Variants in RORA observed in about 807,000 individuals in gnomAD.
RORA encodes nuclear receptor ROR-alpha.
RORA carries 7 observed loss-of-function variants against 69.5 expected under a neutral mutation model. The observed-to-expected ratio is 0.10, with a 90% CI of 0.06 to 0.19. RORA has a LOEUF of 0.19. Among genes scored for constraint, RORA ranks in the 10% least tolerant of loss-of-function variants. The probability of loss-of-function intolerance (pLI) is 1.00; values close to 1 mark genes in which losing one functional copy is unlikely to be tolerated. For missense variants in RORA, 457 were observed against 663.0 expected (o/e 0.69, Z 3.41); for synonymous variants, 261 against 240.8 (o/e 1.08, Z -0.78).
intron 1 of RORA, among the ~76,000 whole-genome samples, chr15:60,974,361 T>A (rs1893815362): frequency 1.3e-5 from 2 of 152,208 alleles, no homozygotes; most frequent in South Asian, 4.1e-4. Context: ...CCAGCTCATT[T>A]CAGTTCAGTT....
chr15:60,762,816 T>G (rs1595694664), intron 1 of RORA, among the ~76,000 whole-genome samples: 1 of 152,172 alleles, frequency 6.6e-6, no homozygotes, highest in South Asian at 2.1e-4. Flanking sequence ...CTGTTAGACA[T>G]GGTCTAATGG....
At chr15:61,221,410 T>A (rs1026070195) in intron 1 of RORA, among the ~76,000 whole-genome samples, 5 of 152,196 alleles carry the variant, frequency 3.3e-5, no homozygotes, top group Non-Finnish European at 5.9e-5. Context: ...TCTTGCCTGT[T>A]TATTCTTGGT....
chr15:60,750,600 A>G (rs967295879), intron 1 of RORA, among the ~76,000 whole-genome samples: 1 of 152,158 alleles, frequency 6.6e-6, no homozygotes, highest in African/African-American at 2.4e-5. Flanking sequence ...TAGGCTCTCT[A>G]TGTATATAAT....
intron 1 of RORA, among the ~76,000 whole-genome samples, chr15:60,833,818 T>G (rs995300765): frequency 6.6e-6 from 1 of 152,202 alleles, no homozygotes; most frequent in South Asian, 2.1e-4. Context: ...AGTTAGAAGA[T>G]CTGGACTGAA....
At chr15:61,025,643 A>C (rs1895771894) in intron 1 of RORA, among the ~76,000 whole-genome samples, 1 of 152,216 alleles carries the variant, frequency 6.6e-6, no homozygotes, top group African/African-American at 2.4e-5. Flanking sequence ...ATTTTAATAC[A>C]AAAGAGCCAC....
At chr15:60,632,543 G>A (rs1437752720) in intron 2 of RORA, among the ~76,000 whole-genome samples, 1 of 152,070 alleles carries the variant, frequency 6.6e-6, no homozygotes, top group Admixed American at 6.6e-5. Context: ...TAATGATAGG[G>A]CATACTTTTA....
intron 1 of RORA, among the ~76,000 whole-genome samples, chr15:60,994,907 T>G (rs1894486506): frequency 6.6e-6 from 1 of 151,978 alleles, no homozygotes. Context: ...ATTGGGGCAT[T>G]GGGGTGTCAA....
At chr15:60,818,558 A>G (rs2072847824) in intron 1 of RORA, among the ~76,000 whole-genome samples, 1 of 152,164 alleles carries the variant, frequency 6.6e-6, no homozygotes, top group Non-Finnish European at 1.5e-5. Flanking sequence ...ACCAGGATGA[A>G]GTGTTCTTCC....
At chr15:60,717,569 T>G (rs898464590) in intron 1 of RORA, among the ~76,000 whole-genome samples, 1 of 152,214 alleles carries the variant, frequency 6.6e-6, no homozygotes, top group African/African-American at 2.4e-5. Flanking sequence ...AAAACCTTTA[T>G]CATGTTTTTT....
chr15:60,502,945 A>G, intron 7 of RORA, 78 bp from the exon 8 acceptor site: 4 of 927,974 alleles, frequency 4.3e-6, no homozygotes, highest in Non-Finnish European at 7.2e-6. Flanking sequence ...GCTCATGTAG[A>G]GACTCCTTCT....
intron 1 of RORA, among the ~76,000 whole-genome samples, chr15:61,116,116 T>C (rs2079048550): frequency 6.6e-6 from 1 of 152,096 alleles, no homozygotes; most frequent in South Asian, 2.1e-4. Context: ...TGACGCAGGA[T>C]GAACCATTTT....
At chr15:60,830,738 G>A (rs2073031572) in intron 1 of RORA, among the ~76,000 whole-genome samples, 1 of 152,176 alleles carries the variant, frequency 6.6e-6, no homozygotes, top group Non-Finnish European at 1.5e-5. Context: ...GCTTTGGAAT[G>A]TTTATTCTCT....
rs775820502 is a variant in RORA at position 60,804,220 on chromosome 15, G to A, written c.167-125534C>T. On this transcript the variant is annotated intron_variant, in intron 1 of 10. Transcript: ENST00000335670. Reference sequence around the variant, plus strand: ...GGAGAATTGCTTGAACCCGGGAGGCGGAGGTTGCAGTTAGCCGAGATCACA... The same window carrying A: ...GGAGAATTGCTTGAACCCGGGAGGCAGAGGTTGCAGTTAGCCGAGATCACA... Among the ~76,000 whole-genome samples, 19 of 147,074 alleles carry A rather than the reference G, an allele frequency of 1.3e-4. 1 individual carries two copies. The highest frequency in any genetic ancestry group is 1.2e-3 in the East Asian group (6 of 4,996).
At chr15:60,659,378 T>C (rs980942232) in intron 2 of RORA, among the ~76,000 whole-genome samples, 2 of 152,180 alleles carry the variant, frequency 1.3e-5, no homozygotes, top group African/African-American at 2.4e-5. Flanking sequence ...ATCTCTAACA[T>C]GGGAGGTGAA....
In RORA at chr15:60,629,187, CT is replaced by C. The variant is rs34687322; in HGVS notation, c.196+49469del. 2.3e-3 allele frequency among the ~76,000 whole-genome samples: 262 copies of C among 112,012 alleles called. 2 individuals carry two copies. Among genetic ancestry groups the C allele is most frequent in the East Asian group, 0.013 (46 of 3,666 alleles). 73.5% of individuals were successfully genotyped at this position (112,012 alleles called of 152,430 possible). On this transcript the variant is annotated intron_variant, in intron 2 of 10. Transcript: ENST00000335670. ...TGTTTATAAGGATTGACTGTTTATT[CT>C]TTTTTTTTTTTTTTTTTGAAACAGA...
intron 2 of RORA, among the ~76,000 whole-genome samples, chr15:60,582,480 A>T (rs958595315): frequency 5.9e-5 from 9 of 152,240 alleles, no homozygotes; most frequent in Admixed American, 5.9e-4. Context: ...CTGAGGTTTA[A>T]CCTGACAATT....
At chr15:60,868,011 A>C (rs1237955247) in intron 1 of RORA, among the ~76,000 whole-genome samples, 1 of 152,182 alleles carries the variant, frequency 6.6e-6, no homozygotes. Flanking sequence ...TGCCATTGTT[A>C]TATATCAGAA....
intron 10 of RORA, 113 bp from the exon 11 acceptor site, chr15:60,497,732 G>C: frequency 1.1e-6 from 1 of 872,998 alleles, no homozygotes; most frequent in Admixed American, 2.3e-5. Context: ...CACACTTAAA[G>C]CAACTTAAAC....
In RORA at chr15:61,040,509, C is replaced by G. The variant is rs542911080; in HGVS notation, c.166+188544G>C. Among the ~76,000 whole-genome samples, 172 of 151,874 alleles carry G rather than the reference C, an allele frequency of 1.1e-3. 1 individual carries two copies. The highest frequency in any genetic ancestry group is 1.8e-3 in the Non-Finnish European group (124 of 67,962). On this transcript the variant is annotated intron_variant, in intron 1 of 10. Coordinates refer to ENST00000335670, the MANE Select transcript of RORA (RefSeq NM_134261.3). ...CTGATCTTTTCCCTCCATTTCCTTCCGGGCTTTATTTTTTTTTCTTTTTCT... is the reference window on the plus strand; with the variant it reads ...CTGATCTTTTCCCTCCATTTCCTTCGGGGCTTTATTTTTTTTTCTTTTTCT...
Sources: allele counts gnomAD v4.1 joint callset (sites outside exome capture counted in the v4.1 genomes callset), GRCh38; gene constraint gnomAD v4.1.1; transcripts MANE v1.5; gene names NCBI Gene and HGNC (gene_info 2026-07-23, HGNC 2026-07-21).